Variants in SUN2 observed in about 807,000 individuals in gnomAD.
SUN2 encodes SUN domain-containing protein 2.
In SUN2, 60 loss-of-function variants were observed where a neutral mutation model predicts 100.0. That is an observed-to-expected ratio of 0.60 (90% confidence interval 0.49 to 0.74). SUN2 has a LOEUF of 0.74. SUN2 is among the 30% of genes least tolerant of loss of function. SUN2 has a pLI of 0.00. For missense variants in SUN2, 834 were observed against 954.6 expected (o/e 0.87, Z 1.66); for synonymous variants, 367 against 403.3 (o/e 0.91, Z 1.08).
At chr22:38,745,919 G>C (rs1484894602) in intron 7 of SUN2, 108 bp from the exon 8 acceptor site, 1 of 1,477,486 alleles carries the variant, frequency 6.8e-7, no homozygotes, top group Non-Finnish European at 9.1e-7. Context: ...TGTCCCACTC[G>C]TGGAGCTGTG....
In SUN2 at chr22:38,738,579, A is replaced by C; in HGVS notation, c.1947+8T>G. 1 of 1,611,376 alleles carries C rather than the reference A, an allele frequency of 6.2e-7. No individual in the cohort carries two copies. The highest frequency in any genetic ancestry group is 8.5e-7 in the Non-Finnish European group (1 of 1,178,168). ...CCCCTCTGGCCCCACCACAGGACAGATACTCACAAAGATGGCGAAGTCCTT... is the reference window on the plus strand; with the variant it reads ...CCCCTCTGGCCCCACCACAGGACAGCTACTCACAAAGATGGCGAAGTCCTT... On this transcript the variant is annotated splice_region_variant and intron_variant, in intron 16 of 17. Coordinates refer to ENST00000689035, the MANE Select transcript of SUN2 (RefSeq NM_015374.3). This position sits in a 1 kb window ranked among gnomAD's most constrained non-coding sequence, Gnocchi z 6.6.
Position 38,741,071 on chromosome 22 carries a change from A to G in SUN2, c.1147-21T>C, listed in dbSNP as rs181169798. ...GACTCCTGTGTAGGAAGAAGGGACA[A>G]ATACAAGAAATACTCATCTCAGAAA... On this transcript the variant is annotated intron_variant, in intron 10 of 17. Coordinates refer to ENST00000689035, the MANE Select transcript of SUN2 (RefSeq NM_015374.3). 14 of 1,585,584 alleles carry G rather than the reference A, an allele frequency of 8.8e-6. No individual in the cohort carries two copies. The African/African-American group carries it at 1.5e-4, about 17-fold the overall frequency.
intron 1 of SUN2, chr22:38,754,573 T>G: frequency 1.0e-5 from 11 of 1,091,304 alleles, no homozygotes; most frequent in Non-Finnish European, 1.4e-5. Flanking sequence ...CCTGGGTCCT[T>G]GTCTCTATTC....
chr22:38,739,586 C>T lies in SUN2; in HGVS notation c.1578+136G>A. On this transcript the variant is annotated intron_variant, in intron 13 of 17. Transcript: ENST00000689035. The surrounding 1 kb of genome is among the most constrained non-coding windows in gnomAD (Gnocchi z 6.7). ...GCACACTGCCACCCACCCATGCCAG[C>T]CCCACAGCATGCAAAGCCTCCTGCT... 1 of 1,304,472 alleles carries T rather than the reference C, an allele frequency of 7.7e-7. No homozygotes were observed. The highest frequency in any genetic ancestry group is 1.1e-6 in the Non-Finnish European group (1 of 929,582). 80.8% of individuals were successfully genotyped at this position (1,304,472 alleles called of 1,614,324 possible). A position where few individuals can be genotyped will look rare whatever the true frequency, so the allele number is the denominator to read the frequency against.
intron 1 of SUN2, among the ~76,000 whole-genome samples, chr22:38,754,396 C>G (rs150258812): frequency 6.6e-6 from 1 of 152,202 alleles, no homozygotes; most frequent in African/African-American, 2.4e-5. Context: ...TGCAGAAACC[C>G]GAAGGTCTGG....
chr22:38,740,879 C>T lies in SUN2; in HGVS notation c.1190+128G>A. 2.8e-6 allele frequency: 3 copies of T among 1,083,330 alleles called. No individual in the cohort carries two copies. The highest frequency in any genetic ancestry group is 4.1e-6 in the Non-Finnish European group (3 of 736,718). The allele number at this position is 1,083,330 out of a possible 1,614,324, so 67.1% of individuals were successfully genotyped here. A position where few individuals can be genotyped will look rare whatever the true frequency, so the allele number is the denominator to read the frequency against. ...GGGGTCCTGAGCTGGGTTTCAACCCCTCCCCCTACCATCTGCTTGGCAAGA... is the reference window on the plus strand; with the variant it reads ...GGGGTCCTGAGCTGGGTTTCAACCCTTCCCCCTACCATCTGCTTGGCAAGA... On this transcript the variant is annotated intron_variant, in intron 11 of 17. Transcript: ENST00000689035. This position sits in a 1 kb window ranked among gnomAD's most constrained non-coding sequence, Gnocchi z 4.8.
At position 38,755,737 on chromosome 22, in the gene SUN2, C is replaced by T. The variant is rs951664964; in HGVS notation, c.-38+26G>A. The T allele has an allele frequency of 4.4e-5, 43 of 985,104 alleles. No homozygotes were observed. In the African/African-American group the frequency reaches 6.8e-4, roughly 16 times the overall value. 61.0% of individuals were successfully genotyped at this position (985,104 alleles called of 1,614,324 possible). A position where few individuals can be genotyped will look rare whatever the true frequency, so the allele number is the denominator to read the frequency against. On this transcript the variant is annotated intron_variant, in intron 1 of 17. Coordinates refer to ENST00000689035, the MANE Select transcript of SUN2 (RefSeq NM_015374.3). The surrounding 1 kb of genome is among the most constrained non-coding windows in gnomAD (Gnocchi z 5.7). ...TCAGGCCGGGCCGCGGCCCCCCAAC[C>T]CTCTCCTGAGCTCGCCCGCACTCAC...
Position 38,755,516 on chromosome 22 carries a change from G to T in SUN2, c.-38+247C>A. On this transcript the variant is annotated intron_variant, in intron 1 of 17. Coordinates refer to ENST00000689035, the MANE Select transcript of SUN2 (RefSeq NM_015374.3). This position sits in a 1 kb window ranked among gnomAD's most constrained non-coding sequence, Gnocchi z 5.7. The stretch of plus-strand genomic sequence containing the variant: ...TTTGCCCTCCTCCTCCCGGGAGGCT[G>T]CCCGGGAAGTCCCGCCCGCAGACAC... The T allele has an allele frequency of 3.1e-6, 3 of 983,366 alleles. No homozygotes were observed. Among genetic ancestry groups the T allele is most frequent in the Non-Finnish European group, 3.6e-6 (3 of 827,710 alleles). 60.9% of individuals were successfully genotyped at this position (983,366 alleles called of 1,614,324 possible).
chr22:38,754,500 C>G (rs1252220844), intron 1 of SUN2: 2 of 624,120 alleles, frequency 3.2e-6, no homozygotes, highest in East Asian at 1.4e-4. Flanking sequence ...ATCTGGCATC[C>G]CCTCTACTTT....
rs2146055230 is a variant in SUN2 at position 38,748,779 on chromosome 22, A to G, written c.619T>C (p.Phe207Leu). The G allele has an allele frequency of 1.2e-6, 2 of 1,614,216 alleles. No homozygotes were observed. Among genetic ancestry groups the G allele is most frequent in the Non-Finnish European group, 1.7e-6 (2 of 1,180,040 alleles). ...LLDVFVLTRRFSSLKTFLWFL... is the reference protein window; with the variant it reads ...LLDVFVLTRRLSSLKTFLWFL... ...CAGAGGAACGTCTTCAGGGACGAGA[A>G]GCGCCTGGACCACGCGGGAGGGCAG... Residue 207 changes from phenylalanine (F) to leucine (L), a missense_variant, in exon 7 of 18, where the codon TTC becomes CTC. Transcript: ENST00000689035.
Position 38,737,842 on chromosome 22 carries a change from G to A in SUN2, c.2040+331C>T, listed in dbSNP as rs754548851. 2.3e-5 allele frequency: 12 copies of A among 524,142 alleles called. No homozygotes were observed. Among genetic ancestry groups the A allele is most frequent in the Admixed American group, 1.6e-4 (7 of 43,936 alleles). 32.5% of individuals were successfully genotyped at this position (524,142 alleles called of 1,614,324 possible). A position where few individuals can be genotyped will look rare whatever the true frequency, so the allele number is the denominator to read the frequency against. On this transcript the variant is annotated intron_variant, in intron 17 of 17. Transcript: ENST00000689035. This position sits in a 1 kb window ranked among gnomAD's most constrained non-coding sequence, Gnocchi z 4.1. ...TCCAGCTGGCCATGGTAGAATGCCC[G>A]CGCCCTGGCATGTGCTGGCGGCGGC...
chr22:38,742,151 AAAAAAAAAAG>A, intron 9 of SUN2, 140 bp downstream of exon 9: 1 of 1,083,386 alleles, frequency 9.2e-7, no homozygotes, highest in East Asian at 2.7e-5. Context: ...TCAAAAAGAA[AAAAAAAAAAG>A]AAAAAAAGAG....
At position 38,738,179 on chromosome 22, in the gene SUN2, G is replaced by A. The variant is rs539775471; in HGVS notation, c.2034C>T (p.His678=). The A allele has an allele frequency of 5.0e-5, 80 of 1,613,980 alleles. 2 individuals carry two copies. In the South Asian group the frequency reaches 8.2e-4, roughly 17 times the overall value. ...DQDGEPIQTF[H]FQAPTMATYQ... ...GCACAGCAGCATCCCGTACCTGAAA[G>A]TGAAACGTCTGAATAGGCTCGCCGT... The change falls in exon 17 of 18, where the codon CAC becomes CAT. Residue 678 remains histidine, a synonymous_variant. Coordinates refer to ENST00000689035, the MANE Select transcript of SUN2 (RefSeq NM_015374.3). The surrounding 1 kb of genome is among the most constrained non-coding windows in gnomAD (Gnocchi z 6.6).
chr22:38,751,796 G>A (rs1447265355), intron 2 of SUN2, among the ~76,000 whole-genome samples: 1 of 152,212 alleles, frequency 6.6e-6, no homozygotes, highest in Non-Finnish European at 1.5e-5. Context: ...TCGCTGGCCA[G>A]CTGCTGAGGC....
intron 1 of SUN2, among the ~76,000 whole-genome samples, chr22:38,753,454 G>A (rs2092963277): frequency 6.6e-6 from 1 of 152,068 alleles, no homozygotes; most frequent in African/African-American, 2.4e-5. Context: ...GACCTCAGGT[G>A]ATCTGTCCAC....
At chr22:38,745,834 T>G (rs2092899926) in intron 7 of SUN2, 23 bp from the exon 8 acceptor site, 1 of 1,610,498 alleles carries the variant, frequency 6.2e-7, no homozygotes, top group Non-Finnish European at 8.5e-7. Context: ...GAGAGGGTGT[T>G]ACCCCAGCTG....
Position 38,751,022 on chromosome 22 carries a change from C to T in SUN2, c.300G>A (p.Arg100=). The T allele has an allele frequency of 6.2e-7, 1 of 1,613,268 alleles. No homozygotes were observed. Among genetic ancestry groups the T allele is most frequent in the South Asian group, 1.1e-5 (1 of 90,996 alleles). The change falls in exon 4 of 18, where the codon CGG becomes CGA. Residue 100 remains arginine, a synonymous_variant. Transcript: ENST00000689035. ...HGDANWGEDL[R]VRRRRGTGGS... Reference sequence around the variant, plus strand: ...CACCCGTGCCTCTCCTCCTCCGCACCCGCAGGTCCTCACCTGTGCAGGGAA... The same window carrying T: ...CACCCGTGCCTCTCCTCCTCCGCACTCGCAGGTCCTCACCTGTGCAGGGAA...
chr22:38,740,087 A>T lies in SUN2; in HGVS notation c.1357-144T>A. The T allele has an allele frequency of 1.7e-6, 2 of 1,206,518 alleles. No individual in the cohort carries two copies. The highest frequency in any genetic ancestry group is 2.7e-5 in the Admixed American group (1 of 37,274). The allele number at this position is 1,206,518 out of a possible 1,614,324, so 74.7% of individuals were successfully genotyped here. On this transcript the variant is annotated intron_variant, in intron 12 of 17. Coordinates refer to ENST00000689035, the MANE Select transcript of SUN2 (RefSeq NM_015374.3). This position sits in a 1 kb window ranked among gnomAD's most constrained non-coding sequence, Gnocchi z 4.8. The stretch of plus-strand genomic sequence containing the variant: ...AAAGAGTTATGAACACTCCATGGGC[A>T]CTAACAAAAACAGGAAGAACGCCTG...
In SUN2 at chr22:38,740,333, C is replaced by T; in HGVS notation, c.1290G>A (p.Leu430=). The part of the protein sequence containing the change: ...GLQQELAALA[L]KQSSVAEEVG... ...CTTCTTCCGCCACCGAGCTCTGCTTCAGTGCCAGAGCCGCCAGCTCCTGCT... is the reference window on the plus strand; with the variant it reads ...CTTCTTCCGCCACCGAGCTCTGCTTTAGTGCCAGAGCCGCCAGCTCCTGCT... The change falls in exon 12 of 18, where the codon CTG becomes CTA. Residue 430 remains leucine, a synonymous_variant. Transcript: ENST00000689035. This position sits in a 1 kb window ranked among gnomAD's most constrained non-coding sequence, Gnocchi z 4.8. The T allele has an allele frequency of 6.3e-7, 1 of 1,597,648 alleles. No homozygotes were observed.
Sources: gnomAD v4.1 joint callset for allele counts (sites outside exome capture counted in the v4.1 genomes callset) on GRCh38, gnomAD v4.1.1 for gene constraint, Gnocchi (gnomAD v3.1) non-coding constraint, MANE v1.5 for transcripts, NCBI Gene and HGNC (gene_info 2026-07-23, HGNC 2026-07-21) for gene names.